The following NR2F1-AS1 variants were observed in gnomAD, a reference collection of about 807,000 sequenced individuals.
NR2F1-AS1 encodes the protein NR2F1 antisense RNA 1.
chr5:93,547,257 CT>C (rs1256189611), intron 4 of NR2F1-AS1, among the ~76,000 whole-genome samples: 3 of 152,172 alleles, frequency 2.0e-5, no homozygotes, highest in African/African-American at 7.2e-5. Context: ...TTATTTGAGG[CT>C]TTAAAGTACT....
chr5:93,417,714 T>C (rs771355580), intron 4 of NR2F1-AS1, among the ~76,000 whole-genome samples: 4 of 152,242 alleles, frequency 2.6e-5, no homozygotes, highest in Non-Finnish European at 4.4e-5. Context: ...AACATGTTCA[T>C]CTTCGCTACT....
intron 4 of NR2F1-AS1, among the ~76,000 whole-genome samples, chr5:93,512,569 A>G (rs926102921): frequency 2.6e-5 from 4 of 152,178 alleles, no homozygotes; most frequent in Non-Finnish European, 5.9e-5. Context: ...ACTATACAGT[A>G]ATGTCCGAAG....
At chr5:93,494,639 T>C (rs1750921927) in intron 4 of NR2F1-AS1, among the ~76,000 whole-genome samples, 1 of 152,042 alleles carries the variant, frequency 6.6e-6, no homozygotes, top group Non-Finnish European at 1.5e-5. Flanking sequence ...TTGGCAACGA[T>C]GTATAGAAAT....
At chr5:93,489,409 A>G (rs1488187805) in intron 4 of NR2F1-AS1, among the ~76,000 whole-genome samples, 1 of 151,854 alleles carries the variant, frequency 6.6e-6, no homozygotes, top group Non-Finnish European at 1.5e-5. Flanking sequence ...GGTATTTTTA[A>G]TTAAGGTATA....
intron 4 of NR2F1-AS1, among the ~76,000 whole-genome samples, chr5:93,499,773 T>C (rs1475202140): frequency 6.6e-6 from 1 of 152,138 alleles, no homozygotes; most frequent in East Asian, 1.9e-4. Flanking sequence ...AAGTAAAAGT[T>C]TTTGAAGGAA....
intron 1 of NR2F1-AS1, among the ~76,000 whole-genome samples, chr5:93,574,923 G>T (rs1212101089): frequency 6.6e-6 from 1 of 152,196 alleles, no homozygotes; most frequent in African/African-American, 2.4e-5. Context: ...ATCCGTTGGG[G>T]TTCAGAATTG....
chr5:93,539,709 T>A (rs1314517524), intron 4 of NR2F1-AS1, among the ~76,000 whole-genome samples: 1 of 152,146 alleles, frequency 6.6e-6, no homozygotes, highest in African/African-American at 2.4e-5. Context: ...GTAAGGTAAC[T>A]ATGGTTAACA....
upstream of NR2F1-AS1, chr5:93,585,287 G>A (rs1376775154): frequency 6.2e-7 from 1 of 1,605,612 alleles, no homozygotes; most frequent in Non-Finnish European, 8.5e-7. Flanking sequence ...AGTGCGTGGT[G>A]TGCGGGGACA....
At chr5:93,562,195 A>AAGAAAAGAAAAGAAAAG (rs1554072354) in intron 2 of NR2F1-AS1, among the ~76,000 whole-genome samples, 5 of 136,664 alleles carry the variant, frequency 3.7e-5, no homozygotes, top group African/African-American at 9.0e-5. Flanking sequence ...AAAAAAAAAA[A>AAGAAAAGAAAAGAAAAG]AAAAGAAAAG....
At chr5:93,584,999 C>A, upstream of NR2F1-AS1, 9 of 992,500 alleles carry the variant, frequency 9.1e-6, no homozygotes, top group Non-Finnish European at 9.6e-6. Context: ...CTCGGCTCCC[C>A]CCAGCGCTCC....
At chr5:93,418,620 T>TAAATAAATAAATAAAA (rs1012300840) in intron 4 of NR2F1-AS1, among the ~76,000 whole-genome samples, 1 of 147,634 alleles carries the variant, frequency 6.8e-6, no homozygotes, top group African/African-American at 2.6e-5. Context: ...AATAAATAAA[T>TAAATAAATAAATAAAA]AAAAACCTCC....
At chr5:93,435,056 G>A (rs772065555) in intron 4 of NR2F1-AS1, among the ~76,000 whole-genome samples, 9 of 152,076 alleles carry the variant, frequency 5.9e-5, no homozygotes, top group Non-Finnish European at 1.0e-4. Flanking sequence ...AGTAACTTAC[G>A]GGTAGATGCT....
chr5:93,517,776 GAA>G (rs1751426810), intron 4 of NR2F1-AS1, among the ~76,000 whole-genome samples: 1 of 151,960 alleles, frequency 6.6e-6, no homozygotes, highest in Non-Finnish European at 1.5e-5. Flanking sequence ...ATTCTTATCA[GAA>G]GAGTTGAATG....
At chr5:93,525,644 A>G (rs541253733) in intron 4 of NR2F1-AS1, among the ~76,000 whole-genome samples, 6 of 152,354 alleles carry the variant, frequency 3.9e-5, no homozygotes, top group East Asian at 1.9e-4. Context: ...AACAGAAAAC[A>G]TAACAAATGG....
chr5:93,483,226 T>C (rs1162883563), intron 4 of NR2F1-AS1, among the ~76,000 whole-genome samples: 1 of 152,100 alleles, frequency 6.6e-6, no homozygotes, highest in Admixed American at 6.5e-5. Context: ...TGGAAGCCCC[T>C]CTGGGACAAA....
At chr5:93,456,717 T>C (rs1304066554) in intron 4 of NR2F1-AS1, among the ~76,000 whole-genome samples, 3 of 152,028 alleles carry the variant, frequency 2.0e-5, no homozygotes, top group East Asian at 1.9e-4. Context: ...GTTCAGCATA[T>C]GGAGGACCCA....
chr5:93,469,748 C>G (rs1750326726), intron 4 of NR2F1-AS1, among the ~76,000 whole-genome samples: 1 of 152,016 alleles, frequency 6.6e-6, no homozygotes, highest in African/African-American at 2.4e-5. Context: ...TCCCTATTCC[C>G]TACATCCACA....
At chr5:93,566,398 TAA>T (rs1752618362) in intron 1 of NR2F1-AS1, among the ~76,000 whole-genome samples, 1 of 152,030 alleles carries the variant, frequency 6.6e-6, no homozygotes, top group Admixed American at 6.6e-5. Context: ...ACTAATTGCA[TAA>T]AAAGTATAAC....
At chr5:93,520,529 T>A (rs1751480708) in intron 4 of NR2F1-AS1, among the ~76,000 whole-genome samples, 1 of 152,130 alleles carries the variant, frequency 6.6e-6, no homozygotes, top group African/African-American at 2.4e-5. Context: ...TTTTACTGAA[T>A]GAAGAATGAC....
Sources: allele counts gnomAD v4.1 joint callset (sites outside exome capture counted in the v4.1 genomes callset), GRCh38; gene constraint gnomAD v4.1.1; transcripts MANE v1.5; gene names NCBI Gene and HGNC (gene_info 2026-07-23, HGNC 2026-07-21).